Variants in MAGI1 observed in about 807,000 individuals in gnomAD.
The protein encoded by MAGI1 is membrane associated guanylate kinase, WW and PDZ domain containing 1, also known as membrane-associated guanylate kinase, WW and PDZ domain-containing protein 1.
MAGI1 carries 58 observed loss-of-function variants against 139.9 expected under a neutral mutation model. The observed-to-expected ratio is 0.41, with a 90% CI of 0.34 to 0.52. The LOEUF (loss-of-function observed/expected upper bound fraction) is 0.52. Among genes scored for constraint, MAGI1 ranks in the 20% least tolerant of loss-of-function variants. The probability of loss-of-function intolerance (pLI) is 0.12; values close to 1 mark genes in which losing one functional copy is unlikely to be tolerated. For missense variants in MAGI1, 1,874 were observed against 1,901.6 expected, an observed-to-expected ratio of 0.99 and a Z score of 0.27; for synonymous variants, 812 against 737.9, an observed-to-expected ratio of 1.10 and a Z score of -1.63.
chr3:65,994,934 C>T (rs139895347), intron 1 of MAGI1, among the ~76,000 whole-genome samples: 198 of 152,294 alleles, frequency 1.3e-3, no homozygotes, highest in African/African-American at 4.6e-3. Flanking sequence ...TCCACAAAGA[C>T]CAGTCATTTG....
chr3:65,444,990 T>C (rs1948588350), intron 7 of MAGI1, among the ~76,000 whole-genome samples: 1 of 152,212 alleles, frequency 6.6e-6, no homozygotes, highest in African/African-American at 2.4e-5. Flanking sequence ...TGCCATTTGG[T>C]TCTAAAAGAC....
chr3:65,519,990 T>C (rs2078080004), intron 2 of MAGI1, among the ~76,000 whole-genome samples: 2 of 152,040 alleles, frequency 1.3e-5, no homozygotes, highest in South Asian at 4.1e-4. Flanking sequence ...TCTTAGAACA[T>C]AACTGCCTCA....
chr3:66,025,094 G>A (rs781764511), intron 1 of MAGI1, among the ~76,000 whole-genome samples: 3 of 152,218 alleles, frequency 2.0e-5, no homozygotes, highest in African/African-American at 4.8e-5. Context: ...ATGTATGTAT[G>A]AGGGTAGTCA....
chr3:65,818,638 C>T (rs145462828), intron 1 of MAGI1, among the ~76,000 whole-genome samples: 106 of 152,206 alleles, frequency 7.0e-4, no homozygotes, highest in African/African-American at 2.5e-3. Flanking sequence ...AGGAACCCAA[C>T]GTTTAATAAC....
intron 1 of MAGI1, among the ~76,000 whole-genome samples, chr3:66,014,081 GC>G (rs565604762): frequency 1.3e-5 from 2 of 152,102 alleles, no homozygotes; most frequent in Non-Finnish European, 2.9e-5. Flanking sequence ...CTATGTCACA[GC>G]CCATTTCCCA....
chr3:66,020,835 G>A (rs1273068162), intron 1 of MAGI1, among the ~76,000 whole-genome samples: 1 of 152,114 alleles, frequency 6.6e-6, no homozygotes, highest in Non-Finnish European at 1.5e-5. Context: ...CATTACAGGT[G>A]CTGGAGACAG....
chr3:65,806,812 T>C (rs2040887671), intron 1 of MAGI1, among the ~76,000 whole-genome samples: 1 of 152,140 alleles, frequency 6.6e-6, no homozygotes, highest in African/African-American at 2.4e-5. Context: ...GCACACCCCA[T>C]AGTTTGTGAC....
intron 2 of MAGI1, among the ~76,000 whole-genome samples, chr3:65,499,762 T>C (rs1452828644): frequency 2.6e-5 from 4 of 152,326 alleles, no homozygotes; most frequent in Non-Finnish European, 5.9e-5. Flanking sequence ...TATGGCTTGT[T>C]TTACAAGTTT....
intron 5 of MAGI1, among the ~76,000 whole-genome samples, chr3:65,468,794 T>G (rs66569315): frequency 0.54 from 81,463 of 151,460 alleles, 23,700 homozygotes; most frequent in East Asian, 0.94. Context: ...AAGTATGTCA[T>G]GCTTGGTGAC....
intron 1 of MAGI1, among the ~76,000 whole-genome samples, chr3:65,861,870 G>A (rs548631076): frequency 1.4e-4 from 21 of 152,260 alleles, no homozygotes; most frequent in Non-Finnish European, 2.2e-4. Context: ...AAAGCAACTT[G>A]TTGAGATATT....
At chr3:65,466,729 C>T (rs563580978) in intron 5 of MAGI1, among the ~76,000 whole-genome samples, 1 of 152,298 alleles carries the variant, frequency 6.6e-6, no homozygotes, top group East Asian at 1.9e-4. Context: ...TGAGTTCCCT[C>T]AAGTGGTCTC....
chr3:65,509,812 G>A (rs1194437624), intron 2 of MAGI1, among the ~76,000 whole-genome samples: 3 of 152,092 alleles, frequency 2.0e-5, no homozygotes, highest in Non-Finnish European at 4.4e-5. Flanking sequence ...ACAGCTCAAG[G>A]AGGCCTGCCT....
At chr3:65,463,558 ATGTGTGTGTGTGTGTG>A (rs56135171) in intron 5 of MAGI1, among the ~76,000 whole-genome samples, 28 of 140,836 alleles carry the variant, frequency 2.0e-4, no homozygotes, top group Admixed American at 5.7e-4. Context: ...TTGGCCTGAA[ATGTGTGTGTGTGTGTG>A]TGTGTGTGTG....
At chr3:65,679,716 C>T (rs1211357233) in intron 1 of MAGI1, among the ~76,000 whole-genome samples, 1 of 152,182 alleles carries the variant, frequency 6.6e-6, no homozygotes, top group Non-Finnish European at 1.5e-5. Flanking sequence ...GACTCTTGGT[C>T]GGCGGTTTTC....
chr3:65,874,673 G>A (rs1316230245), intron 1 of MAGI1: 1 of 152,160 alleles, frequency 6.6e-6, no homozygotes, highest in East Asian at 1.9e-4. Context: ...AATGTAAAAT[G>A]GTGCAGCTGC....
At chr3:65,775,224 T>A (rs944017644) in intron 1 of MAGI1, among the ~76,000 whole-genome samples, 1 of 152,002 alleles carries the variant, frequency 6.6e-6, no homozygotes, top group Admixed American at 6.6e-5. Context: ...GACAGATAGA[T>A]TCCTTGAGTC....
intron 1 of MAGI1, among the ~76,000 whole-genome samples, chr3:65,735,198 A>C (rs1479831098): frequency 6.6e-6 from 1 of 151,372 alleles, no homozygotes; most frequent in African/African-American, 2.5e-5. Flanking sequence ...CTTGAAAATG[A>C]ATGAATAAGA....
chr3:65,825,292 G>C lies in MAGI1; in HGVS notation c.314-203204C>G, dbSNP rs185971797. On this transcript the variant is annotated intron_variant, in intron 1 of 22. Coordinates refer to ENST00000402939, the MANE Select transcript of MAGI1 (RefSeq NM_001033057.2). ...CATCTTTAGAATCTATCTCCCATTT[G>C]AACAATACTTCTTTTAAAGAACTAT... 4.1e-3 allele frequency among the ~76,000 whole-genome samples: 619 copies of C among 152,208 alleles called. 1 individual carries two copies. The highest frequency in any genetic ancestry group is 5.4e-3 in the Non-Finnish European group (365 of 68,008).
intron 2 of MAGI1, among the ~76,000 whole-genome samples, chr3:65,555,775 T>C (rs1210108333): frequency 6.6e-6 from 1 of 152,138 alleles, no homozygotes; most frequent in Non-Finnish European, 1.5e-5. Context: ...GGAGAATCGC[T>C]TGAGCCCAGA....
Sources: allele counts gnomAD v4.1 joint callset (sites outside exome capture counted in the v4.1 genomes callset), GRCh38; gene constraint gnomAD v4.1.1; transcripts MANE v1.5; gene names NCBI Gene and HGNC (gene_info 2026-07-23, HGNC 2026-07-21).